The following PCDH11Y variants were observed in gnomAD, a reference collection of about 807,000 sequenced individuals.
PCDH11Y encodes the protein protocadherin-11 Y-linked.
For missense variants in PCDH11Y, 12 were observed against 224.8 expected, an observed-to-expected ratio of 0.05 and a Z score of 6.05; for synonymous variants, 9 against 83.6, an observed-to-expected ratio of 0.11 and a Z score of 4.87.
chrY:5,665,592 C>T, intron 4 of PCDH11Y, among the ~76,000 whole-genome samples: 1 of 33,579 alleles, frequency 3.0e-5, no homozygotes, highest in African/African-American at 1.2e-4. Context: ...ATGTTATCTT[C>T]CATCAACATA....
At chrY:5,703,520 A>G in intron 4 of PCDH11Y, among the ~76,000 whole-genome samples, 1 of 33,651 alleles carries the variant, frequency 3.0e-5, no homozygotes, top group Admixed American at 2.7e-4. Flanking sequence ...TGAAAAGATC[A>G]TCAGAAAATA....
At chrY:5,396,864 C>T in intron 2 of PCDH11Y, among the ~76,000 whole-genome samples, 1 of 31,969 alleles carries the variant, frequency 3.1e-5, no homozygotes, top group African/African-American at 1.2e-4. Context: ...TCAAGCTATT[C>T]TCCTGCCTCA....
intron 2 of PCDH11Y, among the ~76,000 whole-genome samples, chrY:5,136,432 C>T (rs1602874190): frequency 6.1e-5 from 2 of 32,767 alleles, no homozygotes; most frequent in African/African-American, 1.2e-4. Flanking sequence ...ATAACACCCC[C>T]GAAAGATCAC....
At chrY:5,514,871 T>G (rs2124689404) in intron 3 of PCDH11Y, among the ~76,000 whole-genome samples, 1 of 33,855 alleles carries the variant, frequency 3.0e-5, no homozygotes, top group African/African-American at 1.1e-4. Flanking sequence ...TATGCCATCT[T>G]TTATTAAAAA....
At chrY:5,448,447 T>C (rs2053289623) in intron 2 of PCDH11Y, among the ~76,000 whole-genome samples, 1 of 33,300 alleles carries the variant, frequency 3.0e-5, no homozygotes, top group African/African-American at 1.2e-4. Context: ...CATAAAGATG[T>C]AGTATTAAAT....
intron 2 of PCDH11Y, among the ~76,000 whole-genome samples, chrY:5,152,806 C>CTAA (rs2052865237): frequency 1.2e-4 from 4 of 32,109 alleles, no homozygotes; most frequent in Non-Finnish European, 3.1e-4. Flanking sequence ...TACAGAGAGT[C>CTAA]TAATGAGTAA....
intron 2 of PCDH11Y, among the ~76,000 whole-genome samples, chrY:5,316,353 T>C (rs2053107328): frequency 3.0e-5 from 1 of 32,940 alleles, no homozygotes; most frequent in Non-Finnish European, 7.4e-5. Context: ...CCAAGTTTTA[T>C]TGTGCAGAGG....
chrY:5,137,752 T>C, intron 2 of PCDH11Y, among the ~76,000 whole-genome samples: 1 of 32,812 alleles, frequency 3.0e-5, no homozygotes, highest in African/African-American at 1.2e-4. Flanking sequence ...ACACTGGAAT[T>C]TTCAAATTTA....
At chrY:5,435,376 C>T in intron 2 of PCDH11Y, among the ~76,000 whole-genome samples, 1 of 26,131 alleles carries the variant, frequency 3.8e-5, no homozygotes, top group African/African-American at 1.6e-4. Context: ...TGCAGTGGCG[C>T]AATCTCGGCT....
At chrY:5,328,283 C>T in intron 2 of PCDH11Y, among the ~76,000 whole-genome samples, 2 of 33,681 alleles carry the variant, frequency 5.9e-5, no homozygotes, top group Admixed American at 2.6e-4. Context: ...GAACGCCTGG[C>T]TGCTACAGTT....
chrY:5,286,192 G>A, intron 2 of PCDH11Y, among the ~76,000 whole-genome samples: 3 of 32,837 alleles, frequency 9.1e-5, no homozygotes, highest in African/African-American at 2.4e-4. Context: ...GGTGTGTTGC[G>A]TTATCTGGGG....
chrY:5,234,801 A>C, intron 2 of PCDH11Y, among the ~76,000 whole-genome samples: 2 of 30,663 alleles, frequency 6.5e-5, no homozygotes, highest in Non-Finnish European at 1.6e-4. Context: ...TATTTTTGCA[A>C]ATGATCAACT....
At chrY:5,576,627 G>A in intron 3 of PCDH11Y, among the ~76,000 whole-genome samples, 1 of 33,167 alleles carries the variant, frequency 3.0e-5, no homozygotes, top group Non-Finnish European at 7.5e-5. Flanking sequence ...TTAGCAAAAA[G>A]GAACAATTAT....
chrY:5,432,355 A>G (rs2053269692), intron 2 of PCDH11Y, among the ~76,000 whole-genome samples: 1 of 33,174 alleles, frequency 3.0e-5, no homozygotes, highest in African/African-American at 1.2e-4. Context: ...TTGTCTACCT[A>G]CATTTCAAAA....
In PCDH11Y at chrY:5,253,562, T is replaced by A. The variant is rs2124657131; in HGVS notation, c.3129+152855T>A. On this transcript the variant is annotated intron_variant, in intron 2 of 4. Transcript: ENST00000400457. ...TGTACACACACTCTTGGTTTTGCCA[T>A]TTTCTTGTCTTTTTGTTGGGCCAGA... is the stretch of plus-strand genomic sequence containing the variant. Among the ~76,000 whole-genome samples, 11 of 31,170 alleles carry A rather than the reference T, an allele frequency of 3.5e-4. No homozygotes were observed. The South Asian group carries it at 8.3e-3, about 24-fold the overall frequency. 83.6% of individuals were successfully genotyped at this position (31,170 alleles called of 37,273 possible).
chrY:5,335,405 A>G (rs2053135408), intron 2 of PCDH11Y, among the ~76,000 whole-genome samples: 2 of 32,836 alleles, frequency 6.1e-5, no homozygotes, highest in Non-Finnish European at 1.5e-4. Context: ...AGCACACCAT[A>G]TTCTTGATAG....
intron 3 of PCDH11Y, among the ~76,000 whole-genome samples, chrY:5,577,626 G>T: frequency 3.0e-5 from 1 of 32,898 alleles, no homozygotes; most frequent in South Asian, 6.9e-4. Context: ...TTAATATAAA[G>T]GGATACATAA....
chrY:5,364,132 C>A (rs2053178014), intron 2 of PCDH11Y, among the ~76,000 whole-genome samples: 1 of 31,671 alleles, frequency 3.2e-5, no homozygotes, highest in Non-Finnish European at 7.6e-5. Flanking sequence ...TGAGCCACCC[C>A]TCTAGGGCTA....
intron 2 of PCDH11Y, among the ~76,000 whole-genome samples, chrY:5,300,157 C>T: frequency 2.4e-4 from 8 of 33,549 alleles, no homozygotes; most frequent in Non-Finnish European, 4.4e-4. Flanking sequence ...CATAAAGTGA[C>T]TCAGACTAGG....
Sources: allele counts gnomAD v4.1 joint callset (sites outside exome capture counted in the v4.1 genomes callset), GRCh38; gene constraint gnomAD v4.1.1; transcripts MANE v1.5; gene names NCBI Gene and HGNC (gene_info 2026-07-23, HGNC 2026-07-21).